USP45: variants seen among roughly 807,000 people sequenced by gnomAD.
The protein encoded by USP45 is ubiquitin specific peptidase 45.
Under a neutral mutation model 95.8 loss-of-function variants are expected in USP45, and 89 were observed. That is an observed-to-expected ratio of 0.93 (90% CI 0.78 to 1.11). The LOEUF is 1.11. USP45 is among the 50% of genes least tolerant of loss of function. USP45 has a pLI of 0.00. For missense variants in USP45, 898 were observed against 942.5 expected (o/e 0.95, Z 0.62); for synonymous variants, 281 against 316.2 (o/e 0.89, Z 1.18).
chr6:99,500,341 T>A (rs1797114594), intron 5 of USP45, among the ~76,000 whole-genome samples: 1 of 152,174 alleles, frequency 6.6e-6, no homozygotes, highest in African/African-American at 2.4e-5. Context: ...GCCAGGCTGG[T>A]CTCGATTCCT....
intron 5 of USP45, among the ~76,000 whole-genome samples, chr6:99,490,860 G>A (rs1051445412): frequency 6.6e-5 from 10 of 152,264 alleles, no homozygotes; most frequent in South Asian, 2.1e-4. Context: ...GTGAGCCACC[G>A]CGCCCAGCAG....
chr6:99,465,170 G>C, intron 11 of USP45, 34 bp from the exon 12 acceptor site: 7 of 1,537,180 alleles, frequency 4.6e-6, no homozygotes, highest in Non-Finnish European at 6.2e-6. Flanking sequence ...ACTTCAGTTA[G>C]AATTCTAATA....
chr6:99,449,120 A>G (rs148813297), intron 13 of USP45, among the ~76,000 whole-genome samples: 4,888 of 141,514 alleles, frequency 0.035, 256 homozygotes, highest in African/African-American at 0.12. Context: ...TCAACTAACG[A>G]GCAAAATAAC....
chr6:99,432,368 A>G lies in USP45; in HGVS notation c.*3348T>C, dbSNP rs1222601821. ...TATAGCAGCCTGAGTGGACTAAGAC[A>G]TAAGCAAATGCATTGTTGATAAAAC... On this transcript the variant is annotated 3_prime_UTR_variant, in exon 18 of 18. Transcript: ENST00000500704. The G allele has an allele frequency of 6.6e-6, 1 of 152,224 alleles. No individual in the cohort carries two copies. The highest frequency in any genetic ancestry group is 1.5e-5 in the Non-Finnish European group (1 of 68,042). The allele number at this position is 152,224 out of a possible 1,614,324, so 9.4% of individuals were successfully genotyped here.
At chr6:99,475,957 TG>T (rs1790725054) in intron 9 of USP45, among the ~76,000 whole-genome samples, 185 bp downstream of exon 9, 1 of 152,112 alleles carries the variant, frequency 6.6e-6, no homozygotes, top group Non-Finnish European at 1.5e-5. Context: ...GCCAAGTAGC[TG>T]GAATTACAGG....
At chr6:99,492,258 A>G (rs150239441) in intron 5 of USP45, among the ~76,000 whole-genome samples, 1 of 152,320 alleles carries the variant, frequency 6.6e-6, no homozygotes, top group Non-Finnish European at 1.5e-5. Context: ...TCCACGCTTC[A>G]CTGTGTGATG....
intron 15 of USP45, 137 bp from the exon 16 acceptor site, chr6:99,439,992 T>C: frequency 2.1e-6 from 1 of 480,734 alleles, no homozygotes; most frequent in Non-Finnish European, 3.6e-6. Flanking sequence ...AGTCTAAAAT[T>C]AATATGAATA....
intron 10 of USP45, among the ~76,000 whole-genome samples, chr6:99,467,585 G>A (rs1019604901): frequency 2.0e-5 from 3 of 151,868 alleles, no homozygotes; most frequent in African/African-American, 7.3e-5. Flanking sequence ...AATTAAAATT[G>A]TATTTAGAAA....
rs925157898 is a variant in USP45, at chr6:99,437,290, G to C, written c.2270C>G (p.Ser757Cys). The C allele has an allele frequency of 6.2e-7, 1 of 1,613,370 alleles. No homozygotes were observed. The highest frequency in any genetic ancestry group is 8.5e-7 in the Non-Finnish European group (1 of 1,179,796). Residue 757 changes from serine to cysteine, a missense_variant, in exon 17 of 18, where the codon TCC becomes TGC. Ser to Cys is a moderately radical substitution (Grantham distance 112). Coordinates refer to ENST00000500704, the MANE Select transcript of USP45 (RefSeq NM_001346022.3). ...YTAYVKVRTP[S>C]RKLSEHNTKK... ...AGTGTTATGTTCCGATAATTTCCTG[G>C]AGGGTGTTCTCACTTTCACATAAGC... is the stretch of plus-strand genomic sequence containing the variant.
intron 9 of USP45, among the ~76,000 whole-genome samples, chr6:99,475,049 G>A (rs1291265878): frequency 6.6e-6 from 1 of 152,128 alleles, no homozygotes; most frequent in Non-Finnish European, 1.5e-5. Flanking sequence ...ACTGATCCAT[G>A]AGTGGAATTT....
In USP45 at chr6:99,445,340, G is replaced by A. The variant is rs563604774; in HGVS notation, c.1975+457C>T. ...TCTACTAAAAATACAAAAATTAGCT[G>A]GGCATGGTGGTGGGCGCCTGTAATC... On this transcript the variant is annotated intron_variant, in intron 14 of 17. Transcript: ENST00000500704. 2.6e-5 allele frequency among the ~76,000 whole-genome samples: 4 copies of A among 152,092 alleles called. No homozygotes were observed. In the East Asian group the frequency reaches 7.7e-4, roughly 29 times the overall value.
intron 5 of USP45, among the ~76,000 whole-genome samples, chr6:99,498,060 C>T (rs1427653241): frequency 6.6e-6 from 1 of 152,180 alleles, no homozygotes; most frequent in African/African-American, 2.4e-5. Context: ...CATCACAGCA[C>T]TATTTAAACA....
intron 5 of USP45, among the ~76,000 whole-genome samples, chr6:99,495,339 T>C (rs1290138063): frequency 2.6e-5 from 4 of 152,344 alleles, no homozygotes; most frequent in African/African-American, 9.6e-5. Flanking sequence ...GTGTCTTTCT[T>C]TTCCCAAAGG....
chr6:99,511,853 A>G (rs1414540924), intron 1 of USP45, among the ~76,000 whole-genome samples: 1 of 15,116 alleles, frequency 6.6e-5, no homozygotes, highest in African/African-American at 2.2e-4. Context: ...GTGTATATAT[A>G]TATATATATA....
chr6:99,476,866 A>G (rs1419452412), intron 8 of USP45, among the ~76,000 whole-genome samples: 1 of 152,214 alleles, frequency 6.6e-6, no homozygotes, highest in Non-Finnish European at 1.5e-5. Flanking sequence ...ATGTTTTTTA[A>G]GGACTTGATA....
At chr6:99,453,733 T>C (rs1290614144) in intron 13 of USP45, among the ~76,000 whole-genome samples, 14 of 151,950 alleles carry the variant, frequency 9.2e-5, no homozygotes, top group Admixed American at 9.2e-4. Flanking sequence ...CTGAGGTAGA[T>C]AGATCAACTA....
intron 9 of USP45, among the ~76,000 whole-genome samples, chr6:99,470,470 A>G (rs902975774): frequency 7.2e-5 from 11 of 152,246 alleles, no homozygotes; most frequent in African/African-American, 1.2e-4. Flanking sequence ...GTCCTCAAGC[A>G]TATTTTGAAA....
chr6:99,469,574 G>A (rs1788881674), intron 9 of USP45, among the ~76,000 whole-genome samples: 1 of 149,276 alleles, frequency 6.7e-6, no homozygotes, highest in Non-Finnish European at 1.5e-5. Context: ...GACTTCTCTG[G>A]GTTCAAGTGA....
intron 1 of USP45, among the ~76,000 whole-genome samples, chr6:99,511,375 G>C (rs893877841): frequency 6.6e-6 from 1 of 151,386 alleles, no homozygotes; most frequent in African/African-American, 2.4e-5. Context: ...GAATGGTCTC[G>C]ATCTCCTGAC....
Sources: allele counts gnomAD v4.1 joint callset (sites outside exome capture counted in the v4.1 genomes callset), GRCh38; gene constraint gnomAD v4.1.1; transcripts MANE v1.5; gene names NCBI Gene and HGNC (gene_info 2026-07-23, HGNC 2026-07-21).